DCDC1: variants seen among roughly 807,000 people sequenced by gnomAD.
DCDC1 encodes the protein doublecortin domain containing 1, also known as doublecortin domain-containing protein 1.
DCDC1 carries 200 observed loss-of-function variants against 178.3 expected under a neutral mutation model. That is an observed-to-expected ratio of 1.12 (90% CI 1.00 to 1.26). The LOEUF is 1.26. DCDC1 is among the 50% of genes most tolerant of loss of function. The pLI, the probability that DCDC1 is intolerant of heterozygous loss-of-function variation, is 0.00. For synonymous variants in DCDC1, 690 were observed against 604.8 expected (o/e 1.14, Z -2.07); for missense variants, 1,983 against 1,749.2 (o/e 1.13, Z -2.38).
chr11:31,141,957 C>G (rs1963876651), intron 9 of DCDC1, among the ~76,000 whole-genome samples: 1 of 152,186 alleles, frequency 6.6e-6, no homozygotes, highest in African/African-American at 2.4e-5. Context: ...AAGTCAATAA[C>G]TCATTGTGTG....
In DCDC1 at chr11:30,878,624, G is replaced by A; in HGVS notation, c.5321C>T (p.Pro1774Leu). 1 of 1,610,918 alleles carries A rather than the reference G, an allele frequency of 6.2e-7. No homozygotes were observed. The highest frequency in any genetic ancestry group is 8.5e-7 in the Non-Finnish European group (1 of 1,178,624). ...TGCCAGAGACAGCAGCTTCGTGGAT[G>A]GTGACACCACAATGTCTGTGGCTTG... ...GPQATDIVVS[P>L]STKLLSLAHL... The change falls in exon 38 of 39, where the codon CCA (proline) becomes CTA (leucine). Residue 1774 changes from proline to leucine, a missense_variant. Physicochemically the swap from Pro to Leu is moderately conservative, Grantham distance 98. Coordinates refer to ENST00000684477, the MANE Select transcript of DCDC1 (RefSeq NM_001387274.1).
chr11:31,067,501 T>C (rs1956312345), intron 18 of DCDC1, among the ~76,000 whole-genome samples: 1 of 152,118 alleles, frequency 6.6e-6, no homozygotes, highest in South Asian at 2.1e-4. Flanking sequence ...AAATGTTAAA[T>C]GTGGACTTTT....
At chr11:30,906,357 G>C in intron 30 of DCDC1, 183 bp downstream of exon 30, 1 of 616,708 alleles carries the variant, frequency 1.6e-6, no homozygotes, top group Non-Finnish European at 2.7e-6. Context: ...ACTATTAATA[G>C]ACAATGCATT....
chr11:31,086,424 T>G (rs1441746004), intron 17 of DCDC1, among the ~76,000 whole-genome samples: 1 of 152,208 alleles, frequency 6.6e-6, no homozygotes, highest in African/African-American at 2.4e-5. Flanking sequence ...TCCCCATGTT[T>G]TCTTGAATTG....
intron 20 of DCDC1, among the ~76,000 whole-genome samples, chr11:31,063,390 A>G (rs1438689349): frequency 2.6e-5 from 4 of 152,210 alleles, no homozygotes; most frequent in African/African-American, 4.8e-5. Context: ...TGCTATAAAG[A>G]CACATGCACA....
intron 38 of DCDC1, among the ~76,000 whole-genome samples, chr11:30,866,506 G>T (rs1329280365): frequency 2.0e-5 from 3 of 152,048 alleles, no homozygotes; most frequent in African/African-American, 2.4e-5. Context: ...GCCCCTAAGG[G>T]TCCCAGCTCT....
chr11:31,347,594 T>C (rs566927386), intron 1 of DCDC1, among the ~76,000 whole-genome samples: 1 of 152,290 alleles, frequency 6.6e-6, no homozygotes, highest in Non-Finnish European at 1.5e-5. Flanking sequence ...GACACTCTTA[T>C]AATAGGATGT....
chr11:31,060,519 C>G (rs1955850526), intron 20 of DCDC1, among the ~76,000 whole-genome samples: 1 of 151,950 alleles, frequency 6.6e-6, no homozygotes, highest in Non-Finnish European at 1.5e-5. Context: ...CTGCAATATT[C>G]TGAAGTTTAT....
At chr11:31,241,654 C>A in intron 8 of DCDC1, 38 bp from the exon 9 acceptor site, 1 of 395,822 alleles carries the variant, frequency 2.5e-6, no homozygotes, top group Non-Finnish European at 4.5e-6. Flanking sequence ...TCTTTTGACC[C>A]AACCCAACCG....
rs1417235393 is a variant in DCDC1, at chr11:31,263,013, A to C, written c.1054+2494T>G. On this transcript the variant is annotated intron_variant, in intron 8 of 38. Transcript: ENST00000684477. ...ACACTTCTGGGATACGTGAAGCACGAGTCATGAATCCGAATGCCTCTGGCA... is the reference window on the plus strand; with the variant it reads ...ACACTTCTGGGATACGTGAAGCACGCGTCATGAATCCGAATGCCTCTGGCA... The C allele has an allele frequency of 2.5e-6, 4 of 1,607,032 alleles. No homozygotes were observed. The African/African-American group carries it at 5.4e-5, about 22-fold the overall frequency.
chr11:31,251,404 T>C (rs1306631906), intron 8 of DCDC1, among the ~76,000 whole-genome samples: 1 of 152,130 alleles, frequency 6.6e-6, no homozygotes, highest in Non-Finnish European at 1.5e-5. Context: ...GTAGACTAAG[T>C]AAAGCAGATT....
intron 7 of DCDC1, among the ~76,000 whole-genome samples, chr11:31,275,308 G>A (rs1469577976): frequency 6.6e-6 from 1 of 152,034 alleles, no homozygotes; most frequent in African/African-American, 2.4e-5. Context: ...TAGTACCAGA[G>A]CACTGACTTT....
chr11:30,964,411 A>T (rs137878195), intron 20 of DCDC1, among the ~76,000 whole-genome samples: 5 of 152,200 alleles, frequency 3.3e-5, no homozygotes, highest in African/African-American at 1.2e-4. Flanking sequence ...GCTCTTTGGA[A>T]TTTATTTGTA....
chr11:31,099,694 C>A (rs1366317427), intron 15 of DCDC1, among the ~76,000 whole-genome samples: 1 of 149,962 alleles, frequency 6.7e-6, no homozygotes, highest in African/African-American at 2.4e-5. Context: ...CAATGATGGG[C>A]AGGGTTTTTT....
chr11:31,084,108 G>A (rs965409523), intron 17 of DCDC1, among the ~76,000 whole-genome samples: 2 of 151,988 alleles, frequency 1.3e-5, no homozygotes, highest in South Asian at 2.1e-4. Context: ...AAATACACAC[G>A]AGCACTTGCT....
intron 9 of DCDC1, among the ~76,000 whole-genome samples, chr11:31,213,291 T>G (rs1330793416): frequency 6.6e-6 from 1 of 151,720 alleles, no homozygotes; most frequent in Non-Finnish European, 1.5e-5. Flanking sequence ...AAATGATCTT[T>G]TCAAATTTAG....
At chr11:31,277,298 T>C (rs917617027) in intron 7 of DCDC1, among the ~76,000 whole-genome samples, 1 of 152,158 alleles carries the variant, frequency 6.6e-6, no homozygotes, top group African/African-American at 2.4e-5. Flanking sequence ...TTGACATAAA[T>C]ATATAATAAT....
At chr11:31,115,981 T>TTGGGGG (rs1555066669) in intron 11 of DCDC1, among the ~76,000 whole-genome samples, 6 of 38,108 alleles carry the variant, frequency 1.6e-4, no homozygotes, top group African/African-American at 3.2e-4. Context: ...GCTGTGGCAG[T>TTGGGGG]GGGGGGGGGG....
intron 20 of DCDC1, among the ~76,000 whole-genome samples, chr11:31,004,899 C>T (rs961114628): frequency 6.6e-6 from 1 of 151,980 alleles, no homozygotes; most frequent in Non-Finnish European, 1.5e-5. Context: ...GTTAGAAGAA[C>T]ATTTAGTAAG....
Sources: allele counts gnomAD v4.1 joint callset (sites outside exome capture counted in the v4.1 genomes callset), GRCh38; gene constraint gnomAD v4.1.1; transcripts MANE v1.5; gene names NCBI Gene and HGNC (gene_info 2026-07-23, HGNC 2026-07-21).